TRPM3: variants seen among roughly 807,000 people sequenced by gnomAD.
TRPM3 encodes the protein long transient receptor potential channel 3.
TRPM3 carries 77 observed loss-of-function variants against 181.2 expected under a neutral mutation model. The observed-to-expected ratio is 0.42, with a 90% CI of 0.35 to 0.51. The LOEUF (loss-of-function observed/expected upper bound fraction) is 0.51. Ranked by LOEUF, TRPM3 falls within the 20% of genes least tolerant of loss-of-function variation. The probability of loss-of-function intolerance (pLI) is 0.01; values close to 1 mark genes in which losing one functional copy is unlikely to be tolerated. For missense variants in TRPM3, 1,759 were observed against 2,196.7 expected (o/e 0.80, Z 3.98); for synonymous variants, 745 against 796.4 (o/e 0.94, Z 1.09).
chr9:70,900,851 G>A (rs2096374820), intron 1 of TRPM3, among the ~76,000 whole-genome samples: 1 of 152,170 alleles, frequency 6.6e-6, no homozygotes, highest in Admixed American at 6.5e-5. Context: ...TACTAAGCAG[G>A]TAGTCACAAT....
intron 1 of TRPM3, among the ~76,000 whole-genome samples, chr9:70,909,455 A>G (rs150108057): frequency 8.7e-4 from 132 of 152,278 alleles, no homozygotes; most frequent in Admixed American, 2.6e-3. Context: ...CATGGTGGAC[A>G]TAAAGGAATC....
intron 9 of TRPM3, among the ~76,000 whole-genome samples, chr9:70,663,679 T>C (rs1432494839): frequency 6.6e-6 from 1 of 152,180 alleles, no homozygotes; most frequent in African/African-American, 2.4e-5. Flanking sequence ...AAGTTAATGA[T>C]TTGTACACAG....
chr9:71,204,150 G>A (rs2078976024), intron 1 of TRPM3, among the ~76,000 whole-genome samples: 1 of 150,966 alleles, frequency 6.6e-6, no homozygotes, highest in African/African-American at 2.4e-5. Flanking sequence ...ACATAGGCAT[G>A]GGCAAGGACT....
At chr9:70,827,823 C>T (rs767954829) in intron 6 of TRPM3, 24 bp downstream of exon 6, 1 of 1,610,254 alleles carries the variant, frequency 6.2e-7, no homozygotes, top group Non-Finnish European at 8.5e-7. Context: ...ACGAGCCATG[C>T]CAGTGGGAAC....
chr9:70,534,401 A>G lies in TRPM3; in HGVS notation c.*1552T>C, dbSNP rs1423853798. On this transcript the variant is annotated 3_prime_UTR_variant, in exon 26 of 26. Coordinates refer to ENST00000677713, the MANE Select transcript of TRPM3 (RefSeq NM_001366145.2). ...GTCTAATAGTATAATGAACTCTTTCAATGGAACTTCTTGTATATTAAAAAA... is the reference window on the plus strand; with the variant it reads ...GTCTAATAGTATAATGAACTCTTTCGATGGAACTTCTTGTATATTAAAAAA... The G allele has an allele frequency of 1.3e-5, 2 of 152,218 alleles. No homozygotes were observed. Among genetic ancestry groups the G allele is most frequent in the Non-Finnish European group, 1.5e-5 (1 of 68,040 alleles). The allele number at this position is 152,218 out of a possible 1,614,324, so 9.4% of individuals were successfully genotyped here. A position where few individuals can be genotyped will look rare whatever the true frequency, so the allele number is the denominator to read the frequency against.
At chr9:70,875,421 C>G (rs571021395) in intron 1 of TRPM3, among the ~76,000 whole-genome samples, 1 of 151,954 alleles carries the variant, frequency 6.6e-6, no homozygotes, top group Admixed American at 6.6e-5. Flanking sequence ...GCAGAGCACA[C>G]AGTTTTGTGT....
rs536570625 is a variant in TRPM3, at chr9:71,171,036, C to A, written c.183+275617G>T. The stretch of plus-strand genomic sequence containing the variant: ...AGGTATAGGCTTATAAACAGCCCCC[C>A]CCAGGTGCTCCTGTCTCTTATGGTC... On this transcript the variant is annotated intron_variant, in intron 1 of 24. Coordinates refer to the TRPM3 transcript ENST00000357533. 9.7e-4 allele frequency among the ~76,000 whole-genome samples: 148 copies of A among 152,248 alleles called. 2 individuals are homozygous for A. Among genetic ancestry groups the A allele is most frequent in the African/African-American group, 2.9e-3 (122 of 41,560 alleles).
chr9:71,067,161 C>T (rs1485523747), intron 1 of TRPM3, among the ~76,000 whole-genome samples: 1 of 152,130 alleles, frequency 6.6e-6, no homozygotes, highest in Non-Finnish European at 1.5e-5. Flanking sequence ...AAGATGGCTT[C>T]AGACAAAACA....
At chr9:71,302,821 G>A (rs1461006080) in intron 1 of TRPM3, among the ~76,000 whole-genome samples, 1 of 151,890 alleles carries the variant, frequency 6.6e-6, no homozygotes, top group East Asian at 1.9e-4. Context: ...AGGAAGGAAG[G>A]AGGGGAGGGA....
At chr9:70,786,311 CA>C (rs71367227) in intron 6 of TRPM3, among the ~76,000 whole-genome samples, 6,251 of 54,490 alleles carry the variant, frequency 0.11, 343 homozygotes, top group East Asian at 0.19. Context: ...CTAAAAATAC[CA>C]AAAAAAAAAA....
intron 1 of TRPM3, among the ~76,000 whole-genome samples, chr9:70,891,583 A>G (rs1178540916): frequency 3.9e-5 from 6 of 152,188 alleles, no homozygotes; most frequent in Non-Finnish European, 7.3e-5. Context: ...AAACTATGTA[A>G]TAAAAATGAA....
chr9:71,262,355 C>T (rs374997126), intron 1 of TRPM3, among the ~76,000 whole-genome samples: 2 of 152,278 alleles, frequency 1.3e-5, no homozygotes, highest in African/African-American at 4.8e-5. Context: ...TAATGGCGGA[C>T]GTCCCTCCCC....
At chr9:71,274,014 T>C (rs1037524198) in intron 1 of TRPM3, among the ~76,000 whole-genome samples, 2 of 152,196 alleles carry the variant, frequency 1.3e-5, no homozygotes, top group Non-Finnish European at 2.9e-5. Flanking sequence ...TAAAATTCAT[T>C]GTTTAGGTGT....
chr9:70,861,672 T>C (rs1358718114), intron 3 of TRPM3, among the ~76,000 whole-genome samples: 1 of 152,172 alleles, frequency 6.6e-6, no homozygotes, highest in African/African-American at 2.4e-5. Context: ...GGACAGTTAA[T>C]AATCTTGTGT....
intron 1 of TRPM3, among the ~76,000 whole-genome samples, chr9:71,102,886 A>G (rs1262584820): frequency 2.0e-5 from 3 of 152,184 alleles, no homozygotes; most frequent in Non-Finnish European, 2.9e-5. Context: ...AACATGGGAC[A>G]TGGTCAAAAA....
intron 22 of TRPM3, among the ~76,000 whole-genome samples, chr9:70,566,056 C>G (rs1400179369): frequency 6.6e-6 from 1 of 152,088 alleles, no homozygotes; most frequent in Non-Finnish European, 1.5e-5. Context: ...AGATCCCTGC[C>G]CCTAGACTAT....
intron 1 of TRPM3, among the ~76,000 whole-genome samples, chr9:71,306,180 T>C (rs1355733849): frequency 1.3e-5 from 2 of 152,176 alleles, no homozygotes; most frequent in Admixed American, 6.5e-5. Flanking sequence ...ACTTGTTTGG[T>C]TATAGTTTAG....
intron 1 of TRPM3, among the ~76,000 whole-genome samples, chr9:71,174,072 T>C (rs559379106): frequency 7.9e-5 from 12 of 152,214 alleles, no homozygotes. Flanking sequence ...CAAAGGCATA[T>C]GTCTGTACGA....
chr9:71,318,003 A>G (rs2088812166), intron 1 of TRPM3, among the ~76,000 whole-genome samples: 2 of 152,184 alleles, frequency 1.3e-5, no homozygotes, highest in Non-Finnish European at 2.9e-5. Context: ...TAATCCCAGC[A>G]TTTTGAAAGG....
Sources: gnomAD v4.1 joint callset for allele counts (sites outside exome capture counted in the v4.1 genomes callset) on GRCh38, gnomAD v4.1.1 for gene constraint, MANE v1.5 for transcripts, NCBI Gene and HGNC (gene_info 2026-07-23, HGNC 2026-07-21) for gene names.